HAT1: variants seen among roughly 807,000 people sequenced by gnomAD.
HAT1 encodes histone acetyltransferase type B catalytic subunit.
HAT1 carries 20 observed loss-of-function variants against 56.6 expected under a neutral mutation model. The ratio of observed to expected loss-of-function variants is 0.35; its 90% CI spans 0.25 to 0.51. The LOEUF is 0.51. HAT1 is among the 20% of genes least tolerant of loss of function. The pLI is 0.95. For missense variants in HAT1, 408 were observed against 504.3 expected (o/e 0.81, Z 1.83); for synonymous variants, 146 against 165.5 (o/e 0.88, Z 0.91).
chr2:171,933,316 C>T (rs993965313), intron 2 of HAT1, among the ~76,000 whole-genome samples: 25 of 152,154 alleles, frequency 1.6e-4, no homozygotes, highest in African/African-American at 6.0e-4. Context: ...GCCTTGGCCT[C>T]CCAAAGTGTT....
intron 4 of HAT1, among the ~76,000 whole-genome samples, chr2:171,953,403 G>A (rs1007985661): frequency 4.0e-5 from 6 of 151,790 alleles, no homozygotes; most frequent in Admixed American, 1.3e-4. Flanking sequence ...GGTTTGGGCT[G>A]GGTGCAGTGG....
intron 4 of HAT1, among the ~76,000 whole-genome samples, chr2:171,953,656 T>G (rs1392984584): frequency 1.5e-5 from 1 of 66,826 alleles, no homozygotes; most frequent in Admixed American, 1.6e-4. Flanking sequence ...AAAAAAAAAA[T>G]TAAGGTTTGA....
chr2:171,961,699 A>G (rs1239382329), intron 4 of HAT1, among the ~76,000 whole-genome samples: 1 of 152,204 alleles, frequency 6.6e-6, no homozygotes, highest in Admixed American at 6.5e-5. Context: ...TATATTGACA[A>G]GTTTATCTTG....
intron 2 of HAT1, among the ~76,000 whole-genome samples, chr2:171,926,536 G>A (rs1248719562): frequency 6.6e-6 from 1 of 151,602 alleles, no homozygotes; most frequent in African/African-American, 2.4e-5. Flanking sequence ...CTGGTGATCT[G>A]CCCACCTTGG....
At position 171,941,513 on chromosome 2, in the gene HAT1, G is replaced by C. The variant is rs150021129; in HGVS notation, c.113-5195G>C. On this transcript the variant is annotated intron_variant, in intron 2 of 10. Coordinates refer to ENST00000264108, the MANE Select transcript of HAT1 (RefSeq NM_003642.4). Reference sequence around the variant, plus strand: ...CAAACCTCTCTGCTAACGTTAATCTGTATTTGCATCCGCTCCCCAGTGCTA... The same window carrying C: ...CAAACCTCTCTGCTAACGTTAATCTCTATTTGCATCCGCTCCCCAGTGCTA... Among the ~76,000 whole-genome samples the C allele has an allele frequency of 7.1e-4, 108 of 152,268 alleles. 1 individual carries two copies. The East Asian group carries it at 0.014, about 20-fold the overall frequency.
intron 1 of HAT1, 120 bp from the exon 2 acceptor site, chr2:171,925,417 C>T: frequency 1.7e-6 from 1 of 586,724 alleles, no homozygotes; most frequent in South Asian, 2.1e-5. Flanking sequence ...ATGACTTGTG[C>T]TTTTATGATC....
chr2:171,942,989 A>G (rs761873194), intron 2 of HAT1, among the ~76,000 whole-genome samples: 2 of 152,088 alleles, frequency 1.3e-5, no homozygotes, highest in Non-Finnish European at 2.9e-5. Flanking sequence ...AATTTTTCAC[A>G]ATTTCTAGAT....
intron 4 of HAT1, 70 bp downstream of exon 4, chr2:171,953,071 G>GTGAGCCAC: frequency 2.8e-6 from 3 of 1,074,832 alleles, no homozygotes; most frequent in Non-Finnish European, 4.0e-6. Flanking sequence ...TAGGCCAGGT[G>GTGAGCCAC]CGGTGGCTCA....
chr2:171,965,942 T>C (rs765417806), intron 6 of HAT1, 34 bp downstream of exon 6: 1 of 1,577,908 alleles, frequency 6.3e-7, no homozygotes, highest in Admixed American at 1.8e-5. Flanking sequence ...GTAGACCTTA[T>C]TACCTCCACA....
intron 2 of HAT1, among the ~76,000 whole-genome samples, chr2:171,936,517 T>A (rs911090180): frequency 1.3e-5 from 2 of 152,146 alleles, no homozygotes; most frequent in Non-Finnish European, 2.9e-5. Context: ...GGAAATTAGA[T>A]GAGTATTTTT....
chr2:171,970,520 T>C (rs1339151829), intron 8 of HAT1, among the ~76,000 whole-genome samples: 20 of 40,138 alleles, frequency 5.0e-4, no homozygotes, highest in Non-Finnish European at 9.9e-4. Context: ...TTTTTTTTTT[T>C]TTTTTTTTTT....
chr2:171,966,752 C>T lies in HAT1; in HGVS notation c.717-91C>T. 3 of 676,124 alleles carry T rather than the reference C, an allele frequency of 4.4e-6. No homozygotes were observed. In the South Asian group the frequency reaches 5.7e-5, roughly 13 times the overall value. The allele number at this position is 676,124 out of a possible 1,614,324, so 41.9% of individuals were successfully genotyped here. On this transcript the variant is annotated intron_variant, in intron 7 of 10. Transcript: ENST00000264108. ...TGGATTGAAAAAAAGATCACACAAA[C>T]TTTAAAGTGTTTGTAATACTATAGT...
chr2:171,983,581 A>G lies in HAT1; in HGVS notation c.*229A>G, dbSNP rs879850016. ...ATAAAGCTTCTGAAATACTACTGCA[A>G]TTGCTTCCCTTCTTAAACAGTATAA... On this transcript the variant is annotated 3_prime_UTR_variant, in exon 11 of 11. Coordinates refer to ENST00000264108, the MANE Select transcript of HAT1 (RefSeq NM_003642.4). The G allele has an allele frequency of 2.1e-5, 7 of 341,292 alleles. No individual in the cohort carries two copies. Among genetic ancestry groups the G allele is most frequent in the Non-Finnish European group, 3.2e-5 (6 of 189,370 alleles). 21.1% of individuals were successfully genotyped at this position (341,292 alleles called of 1,614,324 possible).
chr2:171,978,306 C>T (rs2105347905), intron 9 of HAT1, among the ~76,000 whole-genome samples: 2 of 152,294 alleles, frequency 1.3e-5, no homozygotes, highest in Middle Eastern at 3.4e-3. Flanking sequence ...CTTGGCCTCC[C>T]AAAGTGCTGG....
At chr2:171,934,076 C>T (rs911428275) in intron 2 of HAT1, among the ~76,000 whole-genome samples, 4 of 152,082 alleles carry the variant, frequency 2.6e-5, no homozygotes, top group Admixed American at 2.6e-4. Context: ...ATTTAGACTT[C>T]CTATGTCTTC....
intron 4 of HAT1, among the ~76,000 whole-genome samples, chr2:171,962,629 G>A (rs987841196): frequency 6.6e-6 from 1 of 152,148 alleles, no homozygotes; most frequent in Non-Finnish European, 1.5e-5. Flanking sequence ...CCTGACTTCA[G>A]GTGATGTGCG....
At chr2:171,974,210 A>AAAAAAAAAAAT (rs1687905080) in intron 8 of HAT1, among the ~76,000 whole-genome samples, 1 of 72,694 alleles carries the variant, frequency 1.4e-5, no homozygotes, top group Admixed American at 1.9e-4. Flanking sequence ...AGAAAAAGAA[A>AAAAAAAAAAAT]AAAAAAAAAA....
At chr2:171,964,674 T>C (rs1687644821) in intron 4 of HAT1, among the ~76,000 whole-genome samples, 1 of 152,192 alleles carries the variant, frequency 6.6e-6, no homozygotes, top group African/African-American at 2.4e-5. Flanking sequence ...TGATAGAGGT[T>C]GTTTAACAAG....
At chr2:171,963,529 A>G (rs1397672851) in intron 4 of HAT1, among the ~76,000 whole-genome samples, 3 of 152,208 alleles carry the variant, frequency 2.0e-5, no homozygotes, top group Non-Finnish European at 4.4e-5. Flanking sequence ...ACATAAGGAA[A>G]GTTTTTAAAA....
Sources: allele counts gnomAD v4.1 joint callset (sites outside exome capture counted in the v4.1 genomes callset), GRCh38; gene constraint gnomAD v4.1.1; transcripts MANE v1.5; gene names NCBI Gene and HGNC (gene_info 2026-07-23, HGNC 2026-07-21).